The following PRKG1 variants were observed in gnomAD, a reference collection of about 807,000 sequenced individuals.
The protein encoded by PRKG1 is protein kinase cGMP-dependent 1.
A neutral mutation model predicts 88.1 loss-of-function variants in PRKG1; 35 were observed. The observed-to-expected ratio is 0.40, with a 90% CI of 0.30 to 0.53. The LOEUF (loss-of-function observed/expected upper bound fraction) is 0.53. PRKG1 is among the 20% of genes least tolerant of loss of function. PRKG1 has a pLI of 0.59. For synonymous variants in PRKG1, 303 were observed against 292.5 expected (o/e 1.04, Z -0.37); for missense variants, 540 against 839.8 (o/e 0.64, Z 4.41).
chr10:51,545,560 A>T (rs1842425073), intron 3 of PRKG1, among the ~76,000 whole-genome samples: 1 of 152,166 alleles, frequency 6.6e-6, no homozygotes, highest in Non-Finnish European at 1.5e-5. Flanking sequence ...CAACAAGCTT[A>T]AAAATAACTT....
intron 5 of PRKG1, among the ~76,000 whole-genome samples, chr10:51,950,706 C>T (rs941070488): frequency 1.3e-5 from 2 of 152,230 alleles, no homozygotes; most frequent in African/African-American, 2.4e-5. Flanking sequence ...GACAGCTGCA[C>T]GTCAGCAGCT....
At position 51,082,706 on chromosome 10, in the gene PRKG1, C is replaced by T. The variant is rs376877377; in HGVS notation, c.311+7805C>T. ...AAAACCTTTAAGCACTAGGGGCCTG[C>T]GAAAGCATAGCTGGATTTTTTTTTT... On this transcript the variant is annotated intron_variant, in intron 1 of 17. Coordinates refer to ENST00000373980, the MANE Select transcript of PRKG1 (RefSeq NM_006258.4). 6.9e-4 allele frequency among the ~76,000 whole-genome samples: 103 copies of T among 149,192 alleles called. 1 individual carries two copies. Among genetic ancestry groups the T allele is most frequent in the African/African-American group, 2.4e-3 (94 of 39,094 alleles).
At chr10:51,429,123 T>C (rs746773815) in intron 2 of PRKG1, among the ~76,000 whole-genome samples, 111 of 152,330 alleles carry the variant, frequency 7.3e-4, no homozygotes, top group Middle Eastern at 3.4e-3. Flanking sequence ...CACAGATCCA[T>C]TGGGAAAAGT....
chr10:51,701,502 C>T (rs1047508259), intron 3 of PRKG1, among the ~76,000 whole-genome samples: 21 of 152,116 alleles, frequency 1.4e-4, no homozygotes, highest in South Asian at 4.1e-4. Context: ...GATTTTCCTG[C>T]TATGTCAAAG....
chr10:52,054,228 C>G (rs1846055474), intron 5 of PRKG1, among the ~76,000 whole-genome samples: 1 of 152,074 alleles, frequency 6.6e-6, no homozygotes, highest in Non-Finnish European at 1.5e-5. Flanking sequence ...ATGTAACTAA[C>G]CTGCACATTG....
At chr10:51,638,156 AT>A (rs1839705528) in intron 3 of PRKG1, among the ~76,000 whole-genome samples, 1 of 152,188 alleles carries the variant, frequency 6.6e-6, no homozygotes, top group Admixed American at 6.5e-5. Flanking sequence ...AAAAGTAAAA[AT>A]TTTACAGGAG....
intron 4 of PRKG1, among the ~76,000 whole-genome samples, chr10:51,806,853 C>G (rs1839321197): frequency 6.6e-6 from 1 of 152,142 alleles, no homozygotes; most frequent in Non-Finnish European, 1.5e-5. Flanking sequence ...CCCATGCCTT[C>G]CCTGTGCTTT....
intron 1 of PRKG1, among the ~76,000 whole-genome samples, chr10:51,030,282 A>T (rs557676825): frequency 6.6e-6 from 1 of 152,248 alleles, no homozygotes; most frequent in African/African-American, 2.4e-5. Flanking sequence ...TTCAAAAAAT[A>T]GCACTATATT....
chr10:51,459,178 G>A (rs572288788), intron 2 of PRKG1, among the ~76,000 whole-genome samples: 85 of 152,128 alleles, frequency 5.6e-4, no homozygotes, highest in African/African-American at 1.9e-3. Context: ...TACCTAAGCA[G>A]TAGATCTTCC....
chr10:51,066,037 G>C (rs374659382), intron 1 of PRKG1, among the ~76,000 whole-genome samples: 196 of 152,114 alleles, frequency 1.3e-3, no homozygotes, highest in African/African-American at 4.6e-3. Flanking sequence ...GAAGTGATAG[G>C]GCTAGGATTT....
At chr10:51,088,808 ATTTT>A (rs200475991) in intron 1 of PRKG1, among the ~76,000 whole-genome samples, 2 of 137,018 alleles carry the variant, frequency 1.5e-5, no homozygotes, top group Middle Eastern at 3.7e-3. Flanking sequence ...ATTTAATATG[ATTTT>A]TTTTTTTTTT....
chr10:51,484,528 C>T (rs536849940), intron 3 of PRKG1, among the ~76,000 whole-genome samples: 6 of 152,222 alleles, frequency 3.9e-5, no homozygotes, highest in South Asian at 2.1e-4. Flanking sequence ...CCACTTGCCT[C>T]GGCCTCCCAA....
At chr10:52,160,159 G>A (rs777214077) in intron 8 of PRKG1, among the ~76,000 whole-genome samples, 3 of 151,698 alleles carry the variant, frequency 2.0e-5, no homozygotes, top group African/African-American at 7.3e-5. Flanking sequence ...TGTTGTGAAC[G>A]CGTCTAGCCT....
At chr10:51,246,197 A>T (rs1407582806) in intron 2 of PRKG1, among the ~76,000 whole-genome samples, 1 of 152,124 alleles carries the variant, frequency 6.6e-6, no homozygotes, top group Non-Finnish European at 1.5e-5. Flanking sequence ...GACAAATTTG[A>T]CATTATCTTA....
intron 1 of PRKG1, among the ~76,000 whole-genome samples, chr10:51,055,317 G>A (rs533470998): frequency 3.9e-5 from 6 of 152,150 alleles, no homozygotes; most frequent in Middle Eastern, 3.4e-3. Flanking sequence ...GATGCCTCCA[G>A]CAGATTGACT....
At chr10:51,136,167 GGT>G (rs896709696) in intron 1 of PRKG1, among the ~76,000 whole-genome samples, 5 of 151,962 alleles carry the variant, frequency 3.3e-5, no homozygotes, top group African/African-American at 1.2e-4. Context: ...GTGGATATGG[GGT>G]GTGAGAGAGG....
chr10:51,153,024 C>T (rs1168249707), intron 1 of PRKG1, 140 bp from the exon 2 acceptor site: 2 of 444,298 alleles, frequency 4.5e-6, no homozygotes, highest in East Asian at 4.4e-5. Context: ...CTTTGTTCTC[C>T]AGTCTTCCAG....
chr10:51,682,057 A>G (rs1840864017), intron 3 of PRKG1, among the ~76,000 whole-genome samples: 1 of 152,182 alleles, frequency 6.6e-6, no homozygotes, highest in African/African-American at 2.4e-5. Context: ...GTACTGGATA[A>G]ATCTATAGGA....
rs760609014 is a variant in PRKG1, at chr10:52,271,409, C to T, written c.1233C>T (p.His411=). The change falls in exon 11 of 18, where the codon CAC becomes CAT. Residue 411 remains histidine, a synonymous_variant. Coordinates refer to ENST00000373980, the MANE Select transcript of PRKG1 (RefSeq NM_006258.4). The part of the protein sequence containing the change: ...TFAMKILKKR[H]IVDTRQQEHI... ...CAATGAAGATTCTCAAGAAACGTCACATTGTGGACACAAGACAGCAGGAGC... is the reference window on the plus strand; with the variant it reads ...CAATGAAGATTCTCAAGAAACGTCATATTGTGGACACAAGACAGCAGGAGC... The T allele has an allele frequency of 2.5e-5, 40 of 1,612,864 alleles. No individual in the cohort carries two copies. The highest frequency in any genetic ancestry group is 2.9e-5 in the Non-Finnish European group (34 of 1,179,356).
Sources: allele counts gnomAD v4.1 joint callset (sites outside exome capture counted in the v4.1 genomes callset), GRCh38; gene constraint gnomAD v4.1.1; transcripts MANE v1.5; gene names NCBI Gene and HGNC (gene_info 2026-07-23, HGNC 2026-07-21).